The following PDE8A variants were observed in gnomAD, a reference collection of about 807,000 sequenced individuals.
PDE8A encodes high affinity cAMP-specific and IBMX-insensitive 3',5'-cyclic phosphodiesterase 8A.
A neutral mutation model predicts 105.0 loss-of-function variants in PDE8A; 59 were observed. That is an observed-to-expected ratio of 0.56 (90% CI 0.46 to 0.70). PDE8A has a LOEUF of 0.70. Among genes scored for constraint, PDE8A ranks in the 30% least tolerant of loss-of-function variants. The pLI is 0.00. For synonymous variants in PDE8A, 355 were observed against 371.9 expected (o/e 0.95, Z 0.52); for missense variants, 1,014 against 1,045.9 (o/e 0.97, Z 0.42).
At chr15:85,057,770 C>T (rs935480297) in intron 1 of PDE8A, among the ~76,000 whole-genome samples, 1 of 152,040 alleles carries the variant, frequency 6.6e-6, no homozygotes, top group East Asian at 1.9e-4. Context: ...TTGTTAAATG[C>T]CTTTTCTGCA....
intron 1 of PDE8A, among the ~76,000 whole-genome samples, chr15:85,047,301 T>C (rs1354923014): frequency 3.3e-5 from 5 of 152,336 alleles, no homozygotes; most frequent in Non-Finnish European, 7.4e-5. Context: ...AGTCCTCTTT[T>C]CTAGAGCAGT....
upstream of PDE8A, among the ~76,000 whole-genome samples, chr15:84,981,215 G>T (rs2079701550): frequency 6.6e-6 from 1 of 152,218 alleles, no homozygotes; most frequent in Admixed American, 6.5e-5. Context: ...CCTTCTCTGG[G>T]TAGCCCAGTC....
intron 1 of PDE8A, among the ~76,000 whole-genome samples, chr15:85,049,868 T>C (rs1415283854): frequency 6.6e-6 from 1 of 152,258 alleles, no homozygotes; most frequent in Non-Finnish European, 1.5e-5. Context: ...TGTTGGATCA[T>C]ATGTTAATTC....
Position 84,982,690 on chromosome 15 carries a change from A to AG in PDE8A, c.186+345dup, listed in dbSNP as rs1359673670. On this transcript the variant is annotated intron_variant, in intron 1 of 21. Transcript: ENST00000394553. ...TTTCCTCTCCAAGAGCGGGTGTTTG[A>AG]GGGAAACCCCCAGGATATTCTGGCG... is the stretch of plus-strand genomic sequence containing the variant. 3.3e-5 allele frequency among the ~76,000 whole-genome samples: 5 copies of AG among 152,268 alleles called. No homozygotes were observed. In the South Asian group the frequency reaches 6.2e-4, roughly 19 times the overall value.
At chr15:85,113,722 G>A in intron 13 of PDE8A, 151 bp from the exon 14 acceptor site, 1 of 656,750 alleles carries the variant, frequency 1.5e-6, no homozygotes, top group Non-Finnish European at 2.6e-6. Context: ...TCTCATTTCT[G>A]TTGCCCAGGC....
At chr15:85,099,580 C>G (rs2081822223) in intron 9 of PDE8A, among the ~76,000 whole-genome samples, 1 of 152,204 alleles carries the variant, frequency 6.6e-6, no homozygotes, top group African/African-American at 2.4e-5. Flanking sequence ...ATCTAGCTAA[C>G]CACGTTCAGT....
chr15:85,130,218 C>T (rs2082311857), intron 20 of PDE8A, among the ~76,000 whole-genome samples: 1 of 152,198 alleles, frequency 6.6e-6, no homozygotes. Context: ...GGGGAGGCCA[C>T]TAAGCCATTC....
chr15:85,030,682 T>A (rs1784314971), intron 1 of PDE8A, among the ~76,000 whole-genome samples: 1 of 147,302 alleles, frequency 6.8e-6, no homozygotes, highest in South Asian at 2.2e-4. Flanking sequence ...TTAACATGCT[T>A]GGTGGCTTCA....
chr15:85,058,330 C>T (rs1453012021), intron 1 of PDE8A, among the ~76,000 whole-genome samples: 1 of 152,114 alleles, frequency 6.6e-6, no homozygotes, highest in Non-Finnish European at 1.5e-5. Context: ...AAACAGTCCT[C>T]CCACCTTAGC....
At chr15:84,987,712 G>A (rs1169306964) in intron 1 of PDE8A, among the ~76,000 whole-genome samples, 1 of 151,710 alleles carries the variant, frequency 6.6e-6, no homozygotes, top group African/African-American at 2.4e-5. Context: ...CCTGATCTCA[G>A]GTGATCTGCC....
intron 1 of PDE8A, among the ~76,000 whole-genome samples, chr15:85,053,129 G>C (rs895162165): frequency 9.9e-5 from 15 of 152,182 alleles, no homozygotes; most frequent in African/African-American, 3.6e-4. Flanking sequence ...TCAGATGGTT[G>C]TAGATGTATG....
At chr15:85,032,236 A>G (rs1481552814) in intron 1 of PDE8A, among the ~76,000 whole-genome samples, 2 of 152,352 alleles carry the variant, frequency 1.3e-5, no homozygotes, top group Admixed American at 6.5e-5. Flanking sequence ...TTGACACCAT[A>G]GTAGAAGCTC....
chr15:85,098,217 A>G (rs1441986006), intron 9 of PDE8A, among the ~76,000 whole-genome samples, 181 bp downstream of exon 9: 1 of 152,190 alleles, frequency 6.6e-6, no homozygotes, highest in African/African-American at 2.4e-5. Context: ...CTGACCCTCT[A>G]CTTGCAGCCC....
At chr15:85,060,735 A>G (rs2081131024) in intron 1 of PDE8A, among the ~76,000 whole-genome samples, 1 of 152,228 alleles carries the variant, frequency 6.6e-6, no homozygotes, top group Non-Finnish European at 1.5e-5. Flanking sequence ...AAAAGTTACA[A>G]TAATACTTCC....
In PDE8A at chr15:85,067,209, G is replaced by A; in HGVS notation, c.434+5G>A. On this transcript the variant is annotated splice_donor_5th_base_variant and intron_variant, in intron 3 of 21. Coordinates refer to ENST00000394553, the MANE Select transcript of PDE8A (RefSeq NM_002605.3). The stretch of plus-strand genomic sequence containing the variant: ...GGATGCAGAGGCACTGTGCAGGTAA[G>A]CCCAAGACTCGGGCCTAAATAGTCC... 1 of 1,608,538 alleles carries A rather than the reference G, an allele frequency of 6.2e-7. No homozygotes were observed. Among genetic ancestry groups the A allele is most frequent in the Non-Finnish European group, 8.5e-7 (1 of 1,177,320 alleles).
intron 1 of PDE8A, among the ~76,000 whole-genome samples, chr15:85,009,108 A>AGTGTGTGTGT (rs769774976): frequency 2.4e-5 from 1 of 42,214 alleles, no homozygotes; most frequent in Non-Finnish European, 4.7e-5. Context: ...AGAGAGAGAG[A>AGTGTGTGTGT]GAGTGTGTGT....
intron 1 of PDE8A, among the ~76,000 whole-genome samples, chr15:85,001,842 T>A (rs1254913237): frequency 6.6e-6 from 1 of 152,186 alleles, no homozygotes; most frequent in African/African-American, 2.4e-5. Context: ...GGTATAACAA[T>A]AAAGCTGTCA....
At chr15:84,993,851 G>T (rs971693123) in intron 1 of PDE8A, among the ~76,000 whole-genome samples, 2 of 152,170 alleles carry the variant, frequency 1.3e-5, no homozygotes, top group African/African-American at 2.4e-5. Context: ...TTGTGCCACT[G>T]CACTCCAACC....
chr15:85,050,693 A>G (rs922350460), intron 1 of PDE8A, among the ~76,000 whole-genome samples: 1 of 152,186 alleles, frequency 6.6e-6, no homozygotes, highest in African/African-American at 2.4e-5. Context: ...TTATGCTAGT[A>G]CCACATTATT....
Sources: allele counts gnomAD v4.1 joint callset (sites outside exome capture counted in the v4.1 genomes callset), GRCh38; gene constraint gnomAD v4.1.1; transcripts MANE v1.5; gene names NCBI Gene and HGNC (gene_info 2026-07-23, HGNC 2026-07-21).